CRPPA: variants seen among roughly 807,000 people sequenced by gnomAD.
CRPPA encodes CDP-L-ribitol pyrophosphorylase A, also known as D-ribitol-5-phosphate cytidylyltransferase.
A neutral mutation model predicts 52.0 loss-of-function variants in CRPPA; 43 were observed. The ratio of observed to expected loss-of-function variants is 0.83; its 90% CI spans 0.65 to 1.07. The LOEUF is 1.07. Among genes scored for constraint, CRPPA ranks in the 50% least tolerant of loss-of-function variants. The pLI, the probability that CRPPA is intolerant of heterozygous loss-of-function variation, is 0.00. For missense variants in CRPPA, 629 were observed against 551.7 expected (o/e 1.14, Z -1.40); for synonymous variants, 250 against 203.5 (o/e 1.23, Z -1.94).
At chr7:16,337,451 A>G (rs1175755642) in intron 3 of CRPPA, among the ~76,000 whole-genome samples, 2 of 152,170 alleles carry the variant, frequency 1.3e-5, no homozygotes, top group Non-Finnish European at 2.9e-5. Flanking sequence ...AACTTATAGC[A>G]TGCAGCAAAG....
intron 9 of CRPPA, among the ~76,000 whole-genome samples, chr7:16,186,976 A>G (rs1420821540): frequency 2.6e-5 from 4 of 152,186 alleles, no homozygotes; most frequent in Non-Finnish European, 5.9e-5. Flanking sequence ...TATAATTTTA[A>G]TCTTTGCTCA....
intron 9 of CRPPA, among the ~76,000 whole-genome samples, chr7:16,201,542 G>A (rs372872616): frequency 1.3e-5 from 2 of 152,284 alleles, no homozygotes; most frequent in East Asian, 3.9e-4. Flanking sequence ...CCCTCTTGCT[G>A]TCGAGAGCTT....
chr7:16,324,519 C>G (rs905408371), intron 3 of CRPPA, among the ~76,000 whole-genome samples: 3 of 152,240 alleles, frequency 2.0e-5, no homozygotes, highest in African/African-American at 7.2e-5. Flanking sequence ...TCACACCTGA[C>G]TTTGGGCACT....
In CRPPA at chr7:16,205,091, T is replaced by G. The variant is rs189307908; in HGVS notation, c.1251+10975A>C. On this transcript the variant is annotated intron_variant, in intron 9 of 9. Coordinates refer to ENST00000407010, the MANE Select transcript of CRPPA (RefSeq NM_001101426.4). The stretch of plus-strand genomic sequence containing the variant: ...GGCAAGACAGAGGCTTGCAAACAAC[T>G]GTCCCACAGGCAGCAGAAGGCAAAA... 7.9e-5 allele frequency among the ~76,000 whole-genome samples: 12 copies of G among 152,284 alleles called. No homozygotes were observed. In the East Asian group the frequency reaches 1.9e-3, roughly 25 times the overall value.
intron 4 of CRPPA, 23 bp from the exon 5 acceptor site, chr7:16,301,489 T>C: frequency 6.3e-7 from 1 of 1,586,790 alleles, no homozygotes; most frequent in Non-Finnish European, 8.6e-7. Context: ...TAAACTTCAT[T>C]AGACTTAACA....
intron 8 of CRPPA, among the ~76,000 whole-genome samples, chr7:16,248,709 G>A (rs1411138149): frequency 1.3e-5 from 2 of 152,178 alleles, no homozygotes. Flanking sequence ...CATTGGGACT[G>A]GTTGGACAGT....
intron 9 of CRPPA, among the ~76,000 whole-genome samples, chr7:16,202,323 A>G (rs1781878776): frequency 6.6e-6 from 1 of 152,198 alleles, no homozygotes; most frequent in Non-Finnish European, 1.5e-5. Context: ...ACTTTCAGGA[A>G]TACACTATCT....
chr7:16,205,304 C>T (rs376683516), intron 9 of CRPPA, among the ~76,000 whole-genome samples: 3 of 152,216 alleles, frequency 2.0e-5, no homozygotes, highest in East Asian at 3.9e-4. Flanking sequence ...TGAAGAAAAT[C>T]CATGTTCTCA....
At chr7:16,128,450 T>A (rs1444749916) in intron 9 of CRPPA, among the ~76,000 whole-genome samples, 4 of 152,092 alleles carry the variant, frequency 2.6e-5, no homozygotes, top group African/African-American at 9.7e-5. Flanking sequence ...AGTTTTTAAA[T>A]GAAAAACCTG....
chr7:16,321,231 C>A (rs1401161165), intron 3 of CRPPA, among the ~76,000 whole-genome samples: 3 of 152,066 alleles, frequency 2.0e-5, no homozygotes, highest in Non-Finnish European at 4.4e-5. Flanking sequence ...CTATAACTGT[C>A]TTTTTAGACA....
intron 8 of CRPPA, among the ~76,000 whole-genome samples, chr7:16,241,760 G>T (rs1163447075): frequency 6.6e-6 from 1 of 151,842 alleles, no homozygotes; most frequent in Non-Finnish European, 1.5e-5. Context: ...ATGTGGGAAG[G>T]TATTATTTGT....
intron 2 of CRPPA, among the ~76,000 whole-genome samples, chr7:16,394,390 T>C (rs1354360769): frequency 3.3e-5 from 5 of 152,124 alleles, no homozygotes; most frequent in African/African-American, 7.2e-5. Context: ...TTTAAAATCA[T>C]ATAAACATAG....
chr7:16,398,732 A>T (rs6461248), intron 2 of CRPPA, among the ~76,000 whole-genome samples: 1 of 152,046 alleles, frequency 6.6e-6, no homozygotes, highest in Non-Finnish European at 1.5e-5. Flanking sequence ...CGTGACCAAC[A>T]CTTAACCAAT....
At chr7:16,395,398 C>T (rs1292387435) in intron 2 of CRPPA, among the ~76,000 whole-genome samples, 1 of 152,190 alleles carries the variant, frequency 6.6e-6, no homozygotes, top group Non-Finnish European at 1.5e-5. Context: ...CAATGTACAA[C>T]AGAAATCCTC....
intron 9 of CRPPA, among the ~76,000 whole-genome samples, chr7:16,157,982 C>A (rs1783221143): frequency 6.6e-6 from 1 of 151,942 alleles, no homozygotes; most frequent in East Asian, 1.9e-4. Flanking sequence ...TCAAGCGATT[C>A]CCCTGCCTCA....
intron 6 of CRPPA, among the ~76,000 whole-genome samples, chr7:16,268,344 C>T (rs369829586): frequency 1.3e-5 from 2 of 151,880 alleles, no homozygotes; most frequent in East Asian, 3.9e-4. Context: ...ACATGTAATC[C>T]CAAGAAAATC....
At chr7:16,129,850 T>G (rs1198757036) in intron 9 of CRPPA, among the ~76,000 whole-genome samples, 3 of 152,184 alleles carry the variant, frequency 2.0e-5, no homozygotes, top group Non-Finnish European at 4.4e-5. Context: ...CTTTCCTCAT[T>G]GGTATCCAAT....
intron 3 of CRPPA, among the ~76,000 whole-genome samples, chr7:16,325,987 G>T (rs1785378109): frequency 6.6e-6 from 1 of 150,802 alleles, no homozygotes; most frequent in Non-Finnish European, 1.5e-5. Context: ...AACAATCATG[G>T]TCTAGTAATA....
intron 7 of CRPPA, 130 bp downstream of exon 7, chr7:16,258,790 A>C: frequency 1.7e-6 from 1 of 575,378 alleles, no homozygotes; most frequent in Non-Finnish European, 2.9e-6. Context: ...TTCTCTTTCA[A>C]AGATAAAATC....
Sources: allele counts gnomAD v4.1 joint callset (sites outside exome capture counted in the v4.1 genomes callset), GRCh38; gene constraint gnomAD v4.1.1; transcripts MANE v1.5; gene names NCBI Gene and HGNC (gene_info 2026-07-23, HGNC 2026-07-21).